Variants in CSMD1 observed in about 807,000 individuals in gnomAD.
The protein encoded by CSMD1 is CUB and sushi domain-containing protein 1.
CSMD1 carries 213 observed loss-of-function variants against 417.5 expected under a neutral mutation model. That is an observed-to-expected ratio of 0.51 (90% CI 0.46 to 0.57). The LOEUF (loss-of-function observed/expected upper bound fraction) is 0.57. CSMD1 is among the 20% of genes least tolerant of loss of function. The pLI is 0.00. For synonymous variants in CSMD1, 2,862 were observed against 1,736.8 expected, an observed-to-expected ratio of 1.65 and a Z score of -16.11; for missense variants, 6,923 against 4,529.7, an observed-to-expected ratio of 1.53 and a Z score of -15.17.
At chr8:4,494,576 G>T (rs916949842) in intron 2 of CSMD1, among the ~76,000 whole-genome samples, 1 of 152,030 alleles carries the variant, frequency 6.6e-6, no homozygotes, top group Non-Finnish European at 1.5e-5. Flanking sequence ...TAAAAATAAT[G>T]CAAGTCAATA....
chr8:4,215,663 T>C (rs1800623670), intron 3 of CSMD1, among the ~76,000 whole-genome samples: 1 of 152,198 alleles, frequency 6.6e-6, no homozygotes, highest in Non-Finnish European at 1.5e-5. Flanking sequence ...TAATTTTAAA[T>C]GAGGTTTTCT....
rs549575491 is a variant in CSMD1, at chr8:4,624,036, C to T, written c.302+13306G>A. Among the ~76,000 whole-genome samples, 14 of 152,234 alleles carry T rather than the reference C, an allele frequency of 9.2e-5. No individual in the cohort carries two copies. The South Asian group carries it at 2.9e-3, about 32-fold the overall frequency. ...AATTGTAACTAAAGGACTCATTCAT[C>T]AAGCTAGTATTCAAAATGACTATCT... On this transcript the variant is annotated intron_variant, in intron 2 of 69. Coordinates refer to ENST00000635120, the MANE Select transcript of CSMD1 (RefSeq NM_033225.6).
rs117266563 is a variant in CSMD1, at chr8:3,646,543, A to T, written c.1010-29746T>A. Among the ~76,000 whole-genome samples, 9 of 152,310 alleles carry T rather than the reference A, an allele frequency of 5.9e-5. No individual in the cohort carries two copies. In the East Asian group the frequency reaches 1.7e-3, roughly 29 times the overall value. On this transcript the variant is annotated intron_variant, in intron 7 of 69. Coordinates refer to ENST00000635120, the MANE Select transcript of CSMD1 (RefSeq NM_033225.6). ...CTGTAGCATTCCAAGGGAAAGGACC[A>T]TTTCACAATGCATGAGCTTGTTTCC... is the stretch of plus-strand genomic sequence containing the variant.
intron 3 of CSMD1, among the ~76,000 whole-genome samples, chr8:4,060,627 C>T (rs59516451): frequency 7.9e-5 from 12 of 151,998 alleles, no homozygotes; most frequent in Non-Finnish European, 1.6e-4. Flanking sequence ...AGCGATGGGG[C>T]TACTGGAGGA....
intron 4 of CSMD1, among the ~76,000 whole-genome samples, chr8:4,001,169 A>G (rs1009440060): frequency 6.6e-6 from 1 of 152,204 alleles, no homozygotes; most frequent in Non-Finnish European, 1.5e-5. Context: ...TGTGCATGGT[A>G]TAGAATAAAC....
intron 7 of CSMD1, among the ~76,000 whole-genome samples, chr8:3,619,380 A>ATTT (rs5888976): frequency 8.6e-5 from 13 of 150,630 alleles, no homozygotes; most frequent in African/African-American, 3.2e-4. Flanking sequence ...TCAAATGCTT[A>ATTT]TTTTTTTTTA....
At chr8:3,668,507 T>A (rs567855669) in intron 7 of CSMD1, among the ~76,000 whole-genome samples, 2 of 152,318 alleles carry the variant, frequency 1.3e-5, no homozygotes, top group South Asian at 4.1e-4. Flanking sequence ...AGAGAGTTTG[T>A]CTGACTGGGC....
chr8:4,092,819 T>C (rs1258082911), intron 3 of CSMD1, among the ~76,000 whole-genome samples: 1 of 152,192 alleles, frequency 6.6e-6, no homozygotes, highest in African/African-American at 2.4e-5. Context: ...ATATTTTTAA[T>C]TTGTTTTGAT....
At chr8:4,434,658 A>C (rs920468844) in intron 2 of CSMD1, among the ~76,000 whole-genome samples, 4 of 152,094 alleles carry the variant, frequency 2.6e-5, no homozygotes, top group African/African-American at 9.7e-5. Context: ...CATATCACAA[A>C]CCCGATTTAC....
chr8:4,843,860 C>T (rs148299963), intron 1 of CSMD1, among the ~76,000 whole-genome samples: 243 of 152,238 alleles, frequency 1.6e-3, no homozygotes, highest in African/African-American at 5.3e-3. Context: ...TGGAGTCAAC[C>T]GCAATTTAAC....
At chr8:3,655,523 C>T (rs1016244382) in intron 7 of CSMD1, among the ~76,000 whole-genome samples, 1 of 152,168 alleles carries the variant, frequency 6.6e-6, no homozygotes, top group Non-Finnish European at 1.5e-5. Flanking sequence ...AGGACCACTG[C>T]ACAGTGCACC....
At chr8:4,461,382 A>G (rs922564693) in intron 2 of CSMD1, among the ~76,000 whole-genome samples, 1 of 151,984 alleles carries the variant, frequency 6.6e-6, no homozygotes, top group African/African-American at 2.4e-5. Flanking sequence ...CAGGAAATTT[A>G]AAGGCATAAA....
intron 26 of CSMD1, among the ~76,000 whole-genome samples, chr8:3,267,777 G>A (rs997045466): frequency 6.6e-6 from 1 of 152,182 alleles, no homozygotes; most frequent in African/African-American, 2.4e-5. Context: ...GATGGGAGTG[G>A]AGCGGGGAGA....
chr8:3,408,263 C>T (rs1812473150), intron 13 of CSMD1, 38 bp from the exon 14 acceptor site: 16 of 1,480,792 alleles, frequency 1.1e-5, no homozygotes, highest in African/African-American at 1.4e-5. Flanking sequence ...CAGTTATGCA[C>T]ATATCCAAAG....
At chr8:4,333,020 T>A (rs1427784803) in intron 3 of CSMD1, among the ~76,000 whole-genome samples, 1 of 152,048 alleles carries the variant, frequency 6.6e-6, no homozygotes, top group Admixed American at 6.6e-5. Flanking sequence ...AACAATGTAT[T>A]TCTCATCCCA....
In CSMD1 at chr8:4,530,551, G is replaced by C. The variant is rs774254127; in HGVS notation, c.302+106791C>G. 2.0e-5 allele frequency among the ~76,000 whole-genome samples: 3 copies of C among 148,878 alleles called. No individual in the cohort carries two copies. In the Admixed American group the frequency reaches 2.0e-4, roughly 10 times the overall value. On this transcript the variant is annotated intron_variant, in intron 2 of 69. Transcript: ENST00000635120. ...GATGTTCCCCTCCCCGTGCCCATATGTTCTCATTGTTCAGCTCCCACTTAT... is the reference window on the plus strand; with the variant it reads ...GATGTTCCCCTCCCCGTGCCCATATCTTCTCATTGTTCAGCTCCCACTTAT...
chr8:3,298,158 C>T (rs749582132), intron 25 of CSMD1, among the ~76,000 whole-genome samples: 1 of 152,100 alleles, frequency 6.6e-6, no homozygotes, highest in Admixed American at 6.6e-5. Context: ...GTAAGAATAA[C>T]CACTTTGGAA....
intron 3 of CSMD1, among the ~76,000 whole-genome samples, chr8:4,368,977 T>G (rs2128911661): frequency 6.6e-6 from 1 of 152,226 alleles, no homozygotes; most frequent in East Asian, 1.9e-4. Context: ...ATTTTGGTTA[T>G]TTTCTGCTAT....
chr8:3,448,601 G>T (rs1437463972), intron 12 of CSMD1, among the ~76,000 whole-genome samples: 2 of 152,134 alleles, frequency 1.3e-5, no homozygotes, highest in East Asian at 2.0e-4. Flanking sequence ...ACTAATAAAA[G>T]GACCACATGC....
Sources: gnomAD v4.1 joint callset for allele counts (sites outside exome capture counted in the v4.1 genomes callset) on GRCh38, gnomAD v4.1.1 for gene constraint, MANE v1.5 for transcripts, NCBI Gene and HGNC (gene_info 2026-07-23, HGNC 2026-07-21) for gene names.